The following DNMT1 variants were observed in gnomAD, a reference collection of about 807,000 sequenced individuals.
DNMT1 encodes DNA methyltransferase 1, also known as DNA (cytosine-5)-methyltransferase 1.
A neutral mutation model predicts 205.3 loss-of-function variants in DNMT1; 24 were observed. That is an observed-to-expected ratio of 0.12 (90% CI 0.08 to 0.16). The LOEUF is 0.16. DNMT1 is among the 10% of genes least tolerant of loss of function. The pLI is 1.00. For synonymous variants in DNMT1, 817 were observed against 839.8 expected (o/e 0.97, Z 0.47); for missense variants, 1,293 against 2,177.7 (o/e 0.59, Z 8.09).
At chr19:10,184,684 A>G (rs2039143535) in intron 1 of DNMT1, 1 of 152,272 alleles carries the variant, frequency 6.6e-6, no homozygotes, top group Non-Finnish European at 1.5e-5. Context: ...AGAAGGTACC[A>G]AGGAAAGGGA....
chr19:10,137,745 T>G lies in DNMT1; in HGVS notation c.4293+87A>C, dbSNP rs959665385. On this transcript the variant is annotated intron_variant, in intron 36 of 40. Coordinates refer to ENST00000359526, the MANE Select transcript of DNMT1 (RefSeq NM_001130823.3). This position sits in a 1 kb window ranked among gnomAD's most constrained non-coding sequence, Gnocchi z 6.4. ...GGAGCCTGGGATCAGATTCCATGTCTCCCCTGAGTCTTGGGCAGGCTGACT... is the reference window on the plus strand; with the variant it reads ...GGAGCCTGGGATCAGATTCCATGTCGCCCCTGAGTCTTGGGCAGGCTGACT... The G allele has an allele frequency of 2.6e-6, 4 of 1,525,874 alleles. No homozygotes were observed. Among genetic ancestry groups the G allele is most frequent in the Non-Finnish European group, 2.7e-6 (3 of 1,122,132 alleles). 94.5% of individuals were successfully genotyped at this position (1,525,874 alleles called of 1,614,324 possible).
intron 9 of DNMT1, among the ~76,000 whole-genome samples, chr19:10,170,504 C>T (rs2038794362): frequency 6.6e-6 from 1 of 151,966 alleles, no homozygotes; most frequent in Non-Finnish European, 1.5e-5. Context: ...ATTAGCTGGG[C>T]GTGGTAGCGG....
intron 1 of DNMT1, among the ~76,000 whole-genome samples, chr19:10,194,239 G>C (rs558755902): frequency 6.6e-6 from 1 of 152,334 alleles, no homozygotes; most frequent in Non-Finnish European, 1.5e-5. Flanking sequence ...GACAGAATGA[G>C]TACCCCACGG....
chr19:10,161,523 T>C (rs1237529172), intron 13 of DNMT1, among the ~76,000 whole-genome samples: 2 of 152,080 alleles, frequency 1.3e-5, no homozygotes, highest in African/African-American at 2.4e-5. Context: ...GCCATCTGCC[T>C]GTAGTCCCAG....
At chr19:10,136,347 T>C in intron 37 of DNMT1, 60 bp from the exon 38 acceptor site, 1 of 1,600,572 alleles carries the variant, frequency 6.2e-7, no homozygotes, top group South Asian at 1.1e-5. Flanking sequence ...CTTGGGACAG[T>C]GGCTCTTAGA....
At chr19:10,180,299 G>A (rs376756240) in intron 4 of DNMT1, 51 bp downstream of exon 4, 3 of 1,595,892 alleles carry the variant, frequency 1.9e-6, no homozygotes, top group Non-Finnish European at 2.6e-6. Flanking sequence ...GCAACACAGT[G>A]AGACTCCATC....
rs1237971942 is a variant in DNMT1, at chr19:10,180,247, G to A, written c.446-13C>T. ...GGGTCTCTTGAACCTGGGAGGCAGA[G>A]GTTACAGTGAGCCGAGGTTACACCA... On this transcript the variant is annotated splice_polypyrimidine_tract_variant and intron_variant, in intron 4 of 40. Coordinates refer to ENST00000359526, the MANE Select transcript of DNMT1 (RefSeq NM_001130823.3). 10 of 1,406,892 alleles carry A rather than the reference G, an allele frequency of 7.1e-6. No individual in the cohort carries two copies. The highest frequency in any genetic ancestry group is 9.8e-6 in the Non-Finnish European group (10 of 1,020,186). 87.2% of individuals were successfully genotyped at this position (1,406,892 alleles called of 1,614,324 possible).
rs1448196362 is a variant in DNMT1 at position 10,194,938 on chromosome 19, C to T, written c.-39G>A. 6 of 1,580,468 alleles carry T rather than the reference C, an allele frequency of 3.8e-6. No individual in the cohort carries two copies. The highest frequency in any genetic ancestry group is 5.2e-6 in the Non-Finnish European group (6 of 1,164,478). ...GCAGACGCGGCGGCGGCAGCGCAGG[C>T]GCCCCGGCTTTTCGCGCGGAAACCG... On this transcript the variant is annotated 5_prime_UTR_variant, in exon 1 of 41. Coordinates refer to ENST00000359526, the MANE Select transcript of DNMT1 (RefSeq NM_001130823.3).
intron 1 of DNMT1, among the ~76,000 whole-genome samples, chr19:10,183,545 T>C (rs912557666): frequency 1.3e-5 from 2 of 151,986 alleles, no homozygotes; most frequent in African/African-American, 2.4e-5. Context: ...ATGGCGAAAC[T>C]CCATCTCTAC....
In DNMT1 at chr19:10,143,811, C is replaced by T. The variant is rs756998907; in HGVS notation, c.3071G>A (p.Arg1024Lys). Residue 1024 changes from arginine to lysine, a missense_variant, in exon 29 of 41, where the codon AGG (arginine) becomes AAG (lysine). This residue lies in a region of DNMT1 where 167 missense variants were observed against 258.1 expected (regional missense o/e 0.65). Coordinates refer to ENST00000359526, the MANE Select transcript of DNMT1 (RefSeq NM_001130823.3). ...GATTTTGATGTCAGTCTCATTGGGC[C>T]TGCCGTTGCTCTTCTTGGGACAGAA... is the stretch of plus-strand genomic sequence containing the variant. ...EIFCPKKSNG[R>K]PNETDIKIRV... 6.2e-7 allele frequency: 1 copy of T among 1,614,164 alleles called. No homozygotes were observed. Among genetic ancestry groups the T allele is most frequent in the Non-Finnish European group, 8.5e-7 (1 of 1,180,032 alleles).
chr19:10,182,827 G>A (rs1268032295), intron 1 of DNMT1, among the ~76,000 whole-genome samples: 1 of 150,714 alleles, frequency 6.6e-6, no homozygotes, highest in Non-Finnish European at 1.5e-5. Context: ...CACCAGCCTC[G>A]TTAATTTTTT....
At chr19:10,180,139 C>A (rs1373822215) in intron 5 of DNMT1, 48 bp downstream of exon 5, 1 of 629,496 alleles carries the variant, frequency 1.6e-6, no homozygotes, top group Non-Finnish European at 2.8e-6. Context: ...CATGGTAAGA[C>A]CCCATCTCTA....
chr19:10,168,778 G>A (rs2162560), intron 9 of DNMT1, among the ~76,000 whole-genome samples: 53,345 of 151,994 alleles, frequency 0.35, 10,048 homozygotes, highest in Non-Finnish European at 0.43. Flanking sequence ...AAATAGGATG[G>A]CCCAATCTGA....
In DNMT1 at chr19:10,140,556, G is replaced by T. The variant is rs575647927; in HGVS notation, c.3523+225C>A. 43 of 911,674 alleles carry T rather than the reference G, an allele frequency of 4.7e-5. No homozygotes were observed. The highest frequency in any genetic ancestry group is 7.1e-5 in the Non-Finnish European group (43 of 604,624). 56.5% of individuals were successfully genotyped at this position (911,674 alleles called of 1,614,324 possible). A position where few individuals can be genotyped will look rare whatever the true frequency, so the allele number is the denominator to read the frequency against. On this transcript the variant is annotated intron_variant, in intron 32 of 40. Coordinates refer to ENST00000359526, the MANE Select transcript of DNMT1 (RefSeq NM_001130823.3). This position sits in a 1 kb window ranked among gnomAD's most constrained non-coding sequence, Gnocchi z 8.4. The stretch of plus-strand genomic sequence containing the variant: ...AGCTAATTTTTGTATTCTTATTAGA[G>T]ACGGGGTTTCACCATGTTGGCCAGG...
chr19:10,182,227 CA>C lies in DNMT1; in HGVS notation c.81-151del, dbSNP rs1264968414. 5.1e-6 allele frequency: 4 copies of C among 782,346 alleles called. No homozygotes were observed. The East Asian group carries it at 1.1e-4, about 21-fold the overall frequency. 48.5% of individuals were successfully genotyped at this position (782,346 alleles called of 1,614,324 possible). On this transcript the variant is annotated intron_variant, in intron 1 of 40. Transcript: ENST00000359526. ...AACTAAGCTGGCTTTTGTCTCCCCG[CA>C]AGAGTCTAGAGTGTCCTACTGGAAT...
In DNMT1 at chr19:10,140,944, T is replaced by C. The variant is rs1472735305; in HGVS notation, c.3395-35A>G. ...AGAGGCCAGAGGCTAAACCCGATCC[T>C]CAGAGTCCAAGTCCACCTTGCTCTC... is the stretch of plus-strand genomic sequence containing the variant. On this transcript the variant is annotated intron_variant, in intron 31 of 40. Transcript: ENST00000359526. The surrounding 1 kb of genome is among the most constrained non-coding windows in gnomAD (Gnocchi z 8.4). 6.2e-7 allele frequency: 1 copy of C among 1,613,740 alleles called. No homozygotes were observed. The highest frequency in any genetic ancestry group is 1.1e-5 in the South Asian group (1 of 91,090).
At chr19:10,192,287 T>TA (rs1015143332) in intron 1 of DNMT1, among the ~76,000 whole-genome samples, 104 of 150,468 alleles carry the variant, frequency 6.9e-4, no homozygotes, top group African/African-American at 1.5e-3. Flanking sequence ...TCCTGTCTCT[T>TA]AAAAAAAAAC....
rs958008123 is a variant in DNMT1 at position 10,140,701 on chromosome 19, G to A, written c.3523+80C>T. ...AGATTCTTGAGTCAGGAAGGTGACC[G>A]GGGTTGGAAGTCGTTTCAGGTAGCA... On this transcript the variant is annotated intron_variant, in intron 32 of 40. Coordinates refer to ENST00000359526, the MANE Select transcript of DNMT1 (RefSeq NM_001130823.3). The surrounding 1 kb of genome is among the most constrained non-coding windows in gnomAD (Gnocchi z 8.4). 25 of 1,609,352 alleles carry A rather than the reference G, an allele frequency of 1.6e-5. No homozygotes were observed. The highest frequency in any genetic ancestry group is 3.3e-5 in the Admixed American group (2 of 59,966).
chr19:10,178,333 G>A (rs1599393702), intron 5 of DNMT1, among the ~76,000 whole-genome samples: 1 of 150,220 alleles, frequency 6.7e-6, no homozygotes, highest in African/African-American at 2.5e-5. Context: ...AAGGCAGGTG[G>A]ATCACCTGAG....
Sources: gnomAD v4.1 joint callset for allele counts (sites outside exome capture counted in the v4.1 genomes callset) on GRCh38, gnomAD v4.1.1 for gene constraint, gnomAD v4.1.1 regional missense constraint, Gnocchi (gnomAD v3.1) non-coding constraint, MANE v1.5 for transcripts, NCBI Gene and HGNC (gene_info 2026-07-23, HGNC 2026-07-21) for gene names.